Variants in SUCO observed in about 807,000 individuals in gnomAD.
The protein encoded by SUCO is SUN domain-containing ossification factor.
SUCO carries 57 observed loss-of-function variants against 148.1 expected under a neutral mutation model. That is an observed-to-expected ratio of 0.38 (90% CI 0.31 to 0.48). The LOEUF is 0.48. SUCO is among the 20% of genes least tolerant of loss of function. The pLI is 0.96. For synonymous variants in SUCO, 470 were observed against 502.7 expected (o/e 0.93, Z 0.87); for missense variants, 1,331 against 1,468.2 (o/e 0.91, Z 1.53).
At chr1:172,604,075 A>G (rs1214013215) in intron 22 of SUCO, among the ~76,000 whole-genome samples, 2 of 151,962 alleles carry the variant, frequency 1.3e-5, no homozygotes, top group African/African-American at 2.4e-5. Context: ...TTGCCCTTCT[A>G]TCAGCTGCGT....
At chr1:172,585,220 C>G in intron 16 of SUCO, 134 bp downstream of exon 16, 4 of 819,682 alleles carry the variant, frequency 4.9e-6, no homozygotes, top group Non-Finnish European at 7.0e-6. Context: ...GAGGAACTTA[C>G]CAATCTTTAT....
At chr1:172,573,047 A>C (rs1358275201) in intron 9 of SUCO, among the ~76,000 whole-genome samples, 1 of 152,178 alleles carries the variant, frequency 6.6e-6, no homozygotes, top group East Asian at 1.9e-4. Flanking sequence ...AAACAGCTTT[A>C]TTGGGGTATA....
chr1:172,609,218 T>C, intron 23 of SUCO: 1 of 586,746 alleles, frequency 1.7e-6, no homozygotes. Flanking sequence ...GTTATCCTCA[T>C]TTTTTTTTTT....
At chr1:172,548,079 A>T (rs942780787) in intron 1 of SUCO, among the ~76,000 whole-genome samples, 2 of 152,064 alleles carry the variant, frequency 1.3e-5, no homozygotes, top group Non-Finnish European at 2.9e-5. Context: ...AAATTTAAAA[A>T]CGGTTTGAAT....
intron 1 of SUCO, chr1:172,543,106 C>A: frequency 1.4e-6 from 1 of 707,708 alleles, no homozygotes; most frequent in Non-Finnish European, 1.7e-6. Flanking sequence ...TTACACAGTG[C>A]CACTGGATTT....
At chr1:172,567,734 G>T (rs1654657284) in intron 6 of SUCO, among the ~76,000 whole-genome samples, 1 of 152,066 alleles carries the variant, frequency 6.6e-6, no homozygotes, top group African/African-American at 2.4e-5. Flanking sequence ...ATTTATACAT[G>T]GGGTGTATTT....
At chr1:172,569,196 T>C in intron 7 of SUCO, 54 bp downstream of exon 7, 1 of 1,321,684 alleles carries the variant, frequency 7.6e-7, no homozygotes, top group Non-Finnish European at 1.0e-6. Flanking sequence ...TGGTGTAGTT[T>C]AATATGCTTT....
At chr1:172,580,876 C>T (rs1396429041) in intron 15 of SUCO, among the ~76,000 whole-genome samples, 2 of 152,200 alleles carry the variant, frequency 1.3e-5, no homozygotes, top group Admixed American at 6.5e-5. Flanking sequence ...CCTAGATAGG[C>T]GGATGACCTG....
chr1:172,595,007 T>C lies in SUCO; in HGVS notation c.2913+3936T>C, dbSNP rs189556453. Among the ~76,000 whole-genome samples the C allele has an allele frequency of 1.2e-3, 185 of 152,376 alleles. 2 individuals are homozygous for C. In the East Asian group the frequency reaches 0.032, roughly 26 times the overall value. On this transcript the variant is annotated intron_variant, in intron 19 of 23. Transcript: ENST00000263688. ...ATGTATTTAGGATGGTTAGCTCTTC[T>C]TGTTGAATTGATCCCTTTACCATTA...
chr1:172,606,908 GGAT>G (rs1259572390), intron 22 of SUCO, among the ~76,000 whole-genome samples: 1 of 151,610 alleles, frequency 6.6e-6, no homozygotes, highest in Non-Finnish European at 1.5e-5. Flanking sequence ...GCTGTATTTT[GGAT>G]GATATCTTCT....
chr1:172,598,776 T>C (rs1402906241), intron 19 of SUCO, among the ~76,000 whole-genome samples: 2 of 152,226 alleles, frequency 1.3e-5, no homozygotes, highest in African/African-American at 2.4e-5. Flanking sequence ...TAAATGTTTA[T>C]AACTGTCTTG....
chr1:172,574,070 A>C, intron 10 of SUCO, 72 bp downstream of exon 10: 1 of 851,748 alleles, frequency 1.2e-6, no homozygotes, highest in Non-Finnish European at 1.9e-6. Context: ...AAAACAAAAA[A>C]GTGGGTCACA....
At chr1:172,596,604 A>G (rs1346285874) in intron 19 of SUCO, among the ~76,000 whole-genome samples, 1 of 152,192 alleles carries the variant, frequency 6.6e-6, no homozygotes, top group African/African-American at 2.4e-5. Context: ...AACAGCCAAT[A>G]TTGCAGAATG....
chr1:172,555,151 T>C (rs1381803828), intron 3 of SUCO, among the ~76,000 whole-genome samples: 2 of 152,208 alleles, frequency 1.3e-5, no homozygotes, highest in East Asian at 3.8e-4. Flanking sequence ...CAAGAGAACA[T>C]AGTTCTTACT....
rs2149211769 is a variant in SUCO, at chr1:172,533,264, G to C, written c.-172G>C. The stretch of plus-strand genomic sequence containing the variant: ...TGTCCGCGCCTCTGTGGGGCCCTCA[G>C]AGAGGGCTGCCAGGACGCGAGCCAC... On this transcript the variant is annotated 5_prime_UTR_variant, in exon 1 of 24. Coordinates refer to ENST00000263688, the MANE Select transcript of SUCO (RefSeq NM_014283.5). 6.5e-7 allele frequency: 1 copy of C among 1,549,266 alleles called. No homozygotes were observed. The highest frequency in any genetic ancestry group is 8.7e-7 in the Non-Finnish European group (1 of 1,146,882).
intron 19 of SUCO, chr1:172,599,437 A>G (rs1009099743): frequency 1.2e-6 from 1 of 834,372 alleles, no homozygotes; most frequent in African/African-American, 1.8e-5. Context: ...TATATTATAA[A>G]TAAGACATCT....
intron 10 of SUCO, 28 bp downstream of exon 10, chr1:172,574,026 T>A (rs371829155): frequency 1.7e-5 from 22 of 1,300,206 alleles, no homozygotes; most frequent in Non-Finnish European, 2.3e-5. Context: ...TTCTATAGGG[T>A]CTATGTTGGA....
chr1:172,577,343 C>G (rs963748436), intron 11 of SUCO, among the ~76,000 whole-genome samples, 196 bp from the exon 12 acceptor site: 66 of 151,656 alleles, frequency 4.4e-4, no homozygotes, highest in African/African-American at 1.4e-3. Flanking sequence ...AGATTATACT[C>G]TCAGGTAGTG....
At chr1:172,551,871 T>A (rs544980092) in intron 2 of SUCO, 81 of 290,018 alleles carry the variant, frequency 2.8e-4, no homozygotes, top group African/African-American at 1.5e-3. Flanking sequence ...GGGTAGTGCA[T>A]GTTCAGAGAG....
Sources: gnomAD v4.1 joint callset for allele counts (sites outside exome capture counted in the v4.1 genomes callset) on GRCh38, gnomAD v4.1.1 for gene constraint, MANE v1.5 for transcripts, NCBI Gene and HGNC (gene_info 2026-07-23, HGNC 2026-07-21) for gene names.